Variants in LZTFL1 observed in about 807,000 individuals in gnomAD.
The protein encoded by LZTFL1 is leucine zipper transcription factor like 1, also known as leucine zipper transcription factor-like protein 1.
In LZTFL1, 25 loss-of-function variants were observed where a neutral mutation model predicts 45.9. The ratio of observed to expected loss-of-function variants is 0.54; its 90% CI spans 0.40 to 0.76. LZTFL1 has a LOEUF of 0.76. Ranked by LOEUF, LZTFL1 falls within the 30% of genes least tolerant of loss-of-function variation. LZTFL1 has a pLI of 0.00. For missense variants in LZTFL1, 277 were observed against 331.1 expected (o/e 0.84, Z 1.27); for synonymous variants, 93 against 117.4 (o/e 0.79, Z 1.35).
At chr3:45,880,879 C>T (rs1276430615) in intron 2 of LZTFL1, among the ~76,000 whole-genome samples, 1 of 152,174 alleles carries the variant, frequency 6.6e-6, no homozygotes, top group African/African-American at 2.4e-5. Context: ...TGATTCTCTG[C>T]ATGGCATTTG....
At chr3:45,840,615 C>T (rs373357448) in intron 1 of LZTFL1, among the ~76,000 whole-genome samples, 1 of 152,108 alleles carries the variant, frequency 6.6e-6, no homozygotes. Flanking sequence ...TAGAAATATT[C>T]CGTTAAAATA....
At chr3:45,880,131 G>A (rs1175170452) in intron 2 of LZTFL1, among the ~76,000 whole-genome samples, 5 of 152,202 alleles carry the variant, frequency 3.3e-5, no homozygotes, top group Admixed American at 6.5e-5. Flanking sequence ...TCATTTAGAC[G>A]TTTGGTTCTG....
rs949270239 is a variant in LZTFL1, at chr3:45,823,580, T to C, written c.*2734A>G. ...CACCTCTATTCAAGACAGAGGTCATTACCTTTAAGTATAATATTTCCCCTT... is the reference window on the plus strand; with the variant it reads ...CACCTCTATTCAAGACAGAGGTCATCACCTTTAAGTATAATATTTCCCCTT... On this transcript the variant is annotated 3_prime_UTR_variant, in exon 10 of 10. Transcript: ENST00000296135. The C allele has an allele frequency of 2.0e-5, 3 of 152,264 alleles. No individual in the cohort carries two copies. Among genetic ancestry groups the C allele is most frequent in the Admixed American group, 6.5e-5 (1 of 15,278 alleles). The allele number at this position is 152,264 out of a possible 1,614,324, so 9.4% of individuals were successfully genotyped here. A position where few individuals can be genotyped will look rare whatever the true frequency, so the allele number is the denominator to read the frequency against.
chr3:45,881,454 T>C (rs1227243675), intron 2 of LZTFL1, among the ~76,000 whole-genome samples: 1 of 152,190 alleles, frequency 6.6e-6, no homozygotes, highest in Admixed American at 6.5e-5. Flanking sequence ...ATGTCTGTCC[T>C]GTCCCTCCCA....
intron 2 of LZTFL1, among the ~76,000 whole-genome samples, chr3:45,897,992 A>AAAAC (rs1055244090): frequency 6.7e-6 from 1 of 149,424 alleles, no homozygotes; most frequent in Non-Finnish European, 1.5e-5. Flanking sequence ...AAAAAAAAAA[A>AAAAC]ACACACAAAA....
chr3:45,830,291 C>A (rs546361945), intron 7 of LZTFL1, among the ~76,000 whole-genome samples: 1 of 152,346 alleles, frequency 6.6e-6, no homozygotes, highest in African/African-American at 2.4e-5. Flanking sequence ...GCACACTCAA[C>A]AGAAAGTCCA....
intron 2 of LZTFL1, among the ~76,000 whole-genome samples, chr3:45,868,001 T>C (rs1701605637): frequency 6.9e-6 from 1 of 145,484 alleles, no homozygotes; most frequent in African/African-American, 2.5e-5. Flanking sequence ...ATTAGGTATA[T>C]CTCTTAATGC....
upstream of LZTFL1, among the ~76,000 whole-genome samples, chr3:45,845,474 G>C (rs1268391383): frequency 6.6e-6 from 1 of 152,204 alleles, no homozygotes; most frequent in African/African-American, 2.4e-5. Flanking sequence ...AGTTGGGGAT[G>C]AGTGTGATGA....
intron 2 of LZTFL1, among the ~76,000 whole-genome samples, chr3:45,869,380 C>T (rs1429928419): frequency 1.3e-5 from 2 of 152,220 alleles, no homozygotes; most frequent in Non-Finnish European, 2.9e-5. Context: ...AAAAAGAAGA[C>T]GCCATGCCTT....
At chr3:45,833,244 C>T (rs1311741807) in intron 4 of LZTFL1, 123 bp from the exon 5 acceptor site, 3 of 683,288 alleles carry the variant, frequency 4.4e-6, no homozygotes, top group Non-Finnish European at 7.7e-6. Context: ...GATGTCAGTT[C>T]CACAGGTGTG....
chr3:45,872,996 A>G (rs550064529), intron 2 of LZTFL1, among the ~76,000 whole-genome samples: 4 of 152,362 alleles, frequency 2.6e-5, no homozygotes, highest in African/African-American at 9.6e-5. Context: ...GAAAAAGAGC[A>G]TATTCTACCC....
chr3:45,887,546 A>G (rs1046733910), intron 2 of LZTFL1, among the ~76,000 whole-genome samples: 2 of 152,210 alleles, frequency 1.3e-5, no homozygotes, highest in Non-Finnish European at 1.5e-5. Flanking sequence ...GACGGCTGGC[A>G]AGTCCATCCA....
At chr3:45,894,357 C>T (rs1702281994) in intron 2 of LZTFL1, among the ~76,000 whole-genome samples, 1 of 152,214 alleles carries the variant, frequency 6.6e-6, no homozygotes, top group Admixed American at 6.5e-5. Context: ...CAGTGGGCAC[C>T]ACCCAGCCCT....
At chr3:45,903,930 G>A (rs913580577) in intron 2 of LZTFL1, among the ~76,000 whole-genome samples, 1 of 152,240 alleles carries the variant, frequency 6.6e-6, no homozygotes, top group African/African-American at 2.4e-5. Context: ...AAAGATGCAT[G>A]AGCCACTTCT....
chr3:45,841,114 A>G (rs1370328075), intron 1 of LZTFL1, among the ~76,000 whole-genome samples: 1 of 152,236 alleles, frequency 6.6e-6, no homozygotes, highest in East Asian at 1.9e-4. Context: ...AATCAAGAGA[A>G]TGAGTGGAGA....
In LZTFL1 at chr3:45,850,343, A is replaced by G. The variant is rs1701288575; in HGVS notation, c.-49+4643T>C. On this transcript the variant is annotated intron_variant, in intron 4 of 4. Transcript: ENST00000472635. Reference sequence around the variant, plus strand: ...GTAGTGAGTCGATGGAAGGACATGCATGAGTATGCAGAGGCTACCAGCCAG... The same window carrying G: ...GTAGTGAGTCGATGGAAGGACATGCGTGAGTATGCAGAGGCTACCAGCCAG... Among the ~76,000 whole-genome samples the G allele has an allele frequency of 2.0e-5, 3 of 152,180 alleles. No individual in the cohort carries two copies. In the South Asian group the frequency reaches 6.2e-4, roughly 32 times the overall value.
chr3:45,878,616 C>A lies in LZTFL1; in HGVS notation c.-214-19600G>T, dbSNP rs7614902. On this transcript the variant is annotated intron_variant, in intron 2 of 4. Transcript: ENST00000472635. The stretch of plus-strand genomic sequence containing the variant: ...CAAGTAAAAAAAAAAAAAAGCCCCT[C>A]TATGAAAGACACTGTTAAGAGAAGG... 4.7e-3 allele frequency among the ~76,000 whole-genome samples: 699 copies of A among 148,234 alleles called. 4 individuals carry two copies. The highest frequency in any genetic ancestry group is 0.016 in the African/African-American group (644 of 40,680).
chr3:45,881,291 T>A (rs1701855009), intron 2 of LZTFL1, among the ~76,000 whole-genome samples: 1 of 152,202 alleles, frequency 6.6e-6, no homozygotes, highest in Non-Finnish European at 1.5e-5. Context: ...TCACATCCAG[T>A]GCTACATGCA....
chr3:45,881,939 T>A (rs1701868275), intron 2 of LZTFL1, among the ~76,000 whole-genome samples: 1 of 152,270 alleles, frequency 6.6e-6, no homozygotes, highest in Non-Finnish European at 1.5e-5. Context: ...ACTGGCCATG[T>A]TGGCTGTTTA....
Sources: gnomAD v4.1 joint callset for allele counts (sites outside exome capture counted in the v4.1 genomes callset) on GRCh38, gnomAD v4.1.1 for gene constraint, MANE v1.5 for transcripts, NCBI Gene and HGNC (gene_info 2026-07-23, HGNC 2026-07-21) for gene names.